The following RB1 variants were observed in gnomAD, a reference collection of about 807,000 sequenced individuals.
The protein encoded by RB1 is RB transcriptional corepressor 1.
Under a neutral mutation model 135.4 loss-of-function variants are expected in RB1, and 18 were observed. The observed-to-expected ratio is 0.13, with a 90% confidence interval of 0.09 to 0.20. RB1 has a LOEUF of 0.20. Ranked by LOEUF, RB1 falls within the 10% of genes least tolerant of loss-of-function variation. RB1 has a pLI of 1.00. For synonymous variants in RB1, 365 were observed against 373.2 expected (o/e 0.98, Z 0.25); for missense variants, 868 against 1,110.0 (o/e 0.78, Z 3.10).
intron 2 of RB1, among the ~76,000 whole-genome samples, chr13:48,311,895 G>A (rs915089176): frequency 1.3e-5 from 2 of 152,026 alleles, no homozygotes; most frequent in African/African-American, 2.4e-5. Flanking sequence ...TAGTAGAGAC[G>A]GGGTTTCACC....
At chr13:48,351,485 A>T (rs1593439219) in intron 6 of RB1, among the ~76,000 whole-genome samples, 1 of 151,860 alleles carries the variant, frequency 6.6e-6, no homozygotes, top group Admixed American at 6.6e-5. Flanking sequence ...CTGGATATTA[A>T]ACCTTTGTCA....
intron 17 of RB1, among the ~76,000 whole-genome samples, chr13:48,439,454 G>C (rs1267230053): frequency 6.6e-6 from 1 of 152,080 alleles, no homozygotes; most frequent in Non-Finnish European, 1.5e-5. Flanking sequence ...TCGAAATCAG[G>C]CATGATAGAA....
intron 17 of RB1, among the ~76,000 whole-genome samples, chr13:48,384,945 T>C (rs1948561610): frequency 6.6e-6 from 1 of 152,212 alleles, no homozygotes; most frequent in Admixed American, 6.5e-5. Flanking sequence ...TGCTATCGAA[T>C]GCATCATACC....
chr13:48,347,132 T>G (rs1455216735), intron 4 of RB1, among the ~76,000 whole-genome samples: 5 of 152,050 alleles, frequency 3.3e-5, no homozygotes, highest in Admixed American at 3.3e-4. Context: ...GAAGCAGGAA[T>G]TACATAGTGG....
intron 17 of RB1, among the ~76,000 whole-genome samples, chr13:48,385,503 G>A (rs1346444973): frequency 1.3e-5 from 2 of 152,112 alleles, no homozygotes; most frequent in African/African-American, 4.8e-5. Flanking sequence ...AGGACAGTAA[G>A]GTAGGGCAGG....
intron 17 of RB1, among the ~76,000 whole-genome samples, chr13:48,431,901 C>T (rs1447664301): frequency 6.6e-6 from 1 of 150,888 alleles, no homozygotes; most frequent in African/African-American, 2.4e-5. Flanking sequence ...ATTTTTTTTT[C>T]CAGTAGCAAA....
chr13:48,471,573 T>TTAAAAAAAAAAAAA (rs71072103), intron 23 of RB1, among the ~76,000 whole-genome samples: 6 of 133,976 alleles, frequency 4.5e-5, no homozygotes, highest in East Asian at 2.2e-4. Context: ...AAAATATAAA[T>TTAAAAAAAAAAAAA]AAAAAAAAAA....
At chr13:48,395,699 A>T (rs1483377960) in intron 17 of RB1, among the ~76,000 whole-genome samples, 1 of 152,174 alleles carries the variant, frequency 6.6e-6, no homozygotes, top group Non-Finnish European at 1.5e-5. Context: ...ATGAAAAGGA[A>T]TGAACAAAGC....
At position 48,305,351 on chromosome 13, in the gene RB1, TA is replaced by T. The variant is rs1203456273; in HGVS notation, c.137+1308del. 1.4e-4 allele frequency among the ~76,000 whole-genome samples: 21 copies of T among 152,262 alleles called. No homozygotes were observed. The East Asian group carries it at 4.0e-3, about 29-fold the overall frequency. ...TAGGTCAGTTAAAAACCATATTCGT[TA>T]AAAAACCAAAATAACAACAACAAAA... On this transcript the variant is annotated intron_variant, in intron 1 of 26. Transcript: ENST00000267163.
chr13:48,441,503 G>T (rs1949236589), intron 17 of RB1, among the ~76,000 whole-genome samples: 1 of 152,122 alleles, frequency 6.6e-6, no homozygotes, highest in Admixed American at 6.5e-5. Flanking sequence ...TACTGTCTTA[G>T]ATCTAGTTCT....
At chr13:48,422,592 G>A (rs1949022922) in intron 17 of RB1, 1 of 152,034 alleles carries the variant, frequency 6.6e-6, no homozygotes, top group Non-Finnish European at 1.5e-5. Context: ...TTGAAATATA[G>A]TGTATCAGCT....
chr13:48,353,986 T>C (rs1307902786), intron 6 of RB1, among the ~76,000 whole-genome samples: 1 of 152,108 alleles, frequency 6.6e-6, no homozygotes, highest in East Asian at 1.9e-4. Context: ...AGTATAATAC[T>C]TAATGGGGAA....
intron 8 of RB1, 89 bp from the exon 9 acceptor site, chr13:48,364,805 C>A (rs1355207198): frequency 1.4e-6 from 2 of 1,427,380 alleles, no homozygotes; most frequent in African/African-American, 1.4e-5. Flanking sequence ...GGGATTGACA[C>A]CTCTAACTTA....
chr13:48,374,187 A>G (rs1350509484), intron 12 of RB1, among the ~76,000 whole-genome samples: 1 of 151,932 alleles, frequency 6.6e-6, no homozygotes, highest in Admixed American at 6.6e-5. Context: ...ATAGTTTGCA[A>G]CTCCTGATAG....
intron 6 of RB1, among the ~76,000 whole-genome samples, chr13:48,353,073 C>G (rs1308597014): frequency 1.3e-5 from 2 of 151,814 alleles, no homozygotes; most frequent in Non-Finnish European, 2.9e-5. Context: ...AAGAGCAAAT[C>G]AAACCCAAAA....
chr13:48,333,049 G>T, intron 2 of RB1: 1 of 398,392 alleles, frequency 2.5e-6, no homozygotes, highest in South Asian at 1.3e-4. Context: ...AACCATGGTT[G>T]ACCATGGGAA....
intron 17 of RB1, among the ~76,000 whole-genome samples, chr13:48,430,550 G>C (rs1949118720): frequency 6.6e-6 from 1 of 152,110 alleles, no homozygotes; most frequent in African/African-American, 2.4e-5. Flanking sequence ...CACCAGCCTA[G>C]CTAACGTGGT....
chr13:48,362,705 A>G (rs1952654179), intron 7 of RB1, 110 bp from the exon 8 acceptor site: 2 of 1,134,250 alleles, frequency 1.8e-6, no homozygotes, highest in African/African-American at 1.6e-5. Flanking sequence ...AATAAGTAAA[A>G]GTAGTAGAAT....
intron 4 of RB1, 58 bp from the exon 5 acceptor site, chr13:48,347,767 T>A: frequency 8.4e-7 from 1 of 1,195,396 alleles, no homozygotes; most frequent in Non-Finnish European, 1.2e-6. Flanking sequence ...ATGAGAAAAC[T>A]ACTATGACTT....
Sources: allele counts gnomAD v4.1 joint callset (sites outside exome capture counted in the v4.1 genomes callset), GRCh38; gene constraint gnomAD v4.1.1; transcripts MANE v1.5; gene names NCBI Gene and HGNC (gene_info 2026-07-23, HGNC 2026-07-21).